LPP: variants seen among roughly 807,000 people sequenced by gnomAD.
The protein encoded by LPP is LIM domain containing preferred translocation partner in lipoma.
Under a neutral mutation model 60.4 loss-of-function variants are expected in LPP, and 38 were observed. That is an observed-to-expected ratio of 0.63 (90% CI 0.49 to 0.83). The LOEUF (loss-of-function observed/expected upper bound fraction) is 0.83, where lower values mean the gene tolerates loss of function less well. Among genes scored for constraint, LPP ranks in the 40% least tolerant of loss-of-function variants. The pLI is 0.00. For missense variants in LPP, 902 were observed against 783.6 expected (o/e 1.15, Z -1.80); for synonymous variants, 328 against 290.8 (o/e 1.13, Z -1.30).
chr3:188,245,468 C>A (rs1726586363), intron 2 of LPP, among the ~76,000 whole-genome samples: 1 of 152,096 alleles, frequency 6.6e-6, no homozygotes, highest in Non-Finnish European at 1.5e-5. Flanking sequence ...TGGCCCAGAG[C>A]CATTAGCAGA....
chr3:188,797,038 G>A (rs1577614332), intron 9 of LPP, among the ~76,000 whole-genome samples: 1 of 152,052 alleles, frequency 6.6e-6, no homozygotes, highest in East Asian at 1.9e-4. Flanking sequence ...ACTCTGCCCT[G>A]ACAACAAATT....
At chr3:188,247,855 G>A (rs924605069) in intron 2 of LPP, among the ~76,000 whole-genome samples, 3 of 151,562 alleles carry the variant, frequency 2.0e-5, no homozygotes, top group African/African-American at 7.3e-5. Context: ...CTGTAAAGCA[G>A]CAGAGGATTG....
At chr3:188,316,039 C>G (rs1030837812) in intron 2 of LPP, among the ~76,000 whole-genome samples, 1 of 152,066 alleles carries the variant, frequency 6.6e-6, no homozygotes, top group Non-Finnish European at 1.5e-5. Flanking sequence ...TTTGGGAGGC[C>G]GAGGCAGGCA....
At chr3:188,324,788 G>A (rs1757938632) in intron 2 of LPP, among the ~76,000 whole-genome samples, 1 of 152,048 alleles carries the variant, frequency 6.6e-6, no homozygotes, top group Non-Finnish European at 1.5e-5. Context: ...AAGCCATACG[G>A]TGGCTGCTGT....
At chr3:188,179,565 C>G (rs1277761027) in intron 1 of LPP, 1 of 446,918 alleles carries the variant, frequency 2.2e-6, no homozygotes, top group Non-Finnish European at 4.5e-6. Context: ...TTAAAGCCCT[C>G]TCGAGAGGTC....
chr3:188,677,045 G>A (rs191329630), intron 7 of LPP, among the ~76,000 whole-genome samples: 68 of 152,264 alleles, frequency 4.5e-4, no homozygotes, highest in Non-Finnish European at 8.4e-4. Context: ...CAGCCTGCAA[G>A]GAACCGACTG....
chr3:188,739,840 A>G (rs1199818791), intron 8 of LPP, among the ~76,000 whole-genome samples: 1 of 152,054 alleles, frequency 6.6e-6, no homozygotes, highest in Non-Finnish European at 1.5e-5. Context: ...GCCCTTATGC[A>G]TGCTTGATAA....
intron 6 of LPP, among the ~76,000 whole-genome samples, chr3:188,556,450 A>G (rs540354316): frequency 6.6e-6 from 1 of 152,204 alleles, no homozygotes; most frequent in East Asian, 1.9e-4. Context: ...CATATAGTAA[A>G]TTACCAATAA....
At chr3:188,615,170 T>C (rs1844611834) in intron 7 of LPP, among the ~76,000 whole-genome samples, 1 of 152,356 alleles carries the variant, frequency 6.6e-6, no homozygotes, top group Admixed American at 6.5e-5. Context: ...AGTTGCAGAA[T>C]ACATTGAAAT....
chr3:188,661,893 C>G (rs1421863615), intron 7 of LPP, among the ~76,000 whole-genome samples: 4 of 152,146 alleles, frequency 2.6e-5, no homozygotes, highest in Admixed American at 2.0e-4. Flanking sequence ...AGGCAGCAGA[C>G]TTGGGGATAT....
At chr3:188,485,251 G>A (rs1375689357) in intron 5 of LPP, among the ~76,000 whole-genome samples, 7 of 152,094 alleles carry the variant, frequency 4.6e-5, no homozygotes, top group South Asian at 4.1e-4. Context: ...GGGTTCCAGC[G>A]AGTGGTAATT....
At chr3:188,367,509 A>G (rs1401578503) in intron 3 of LPP, among the ~76,000 whole-genome samples, 5 of 152,240 alleles carry the variant, frequency 3.3e-5, no homozygotes. Flanking sequence ...TTAGCATACT[A>G]GTTAATATAT....
intron 8 of LPP, among the ~76,000 whole-genome samples, chr3:188,729,857 T>C (rs1719795382): frequency 6.6e-6 from 1 of 150,530 alleles, no homozygotes; most frequent in Admixed American, 6.6e-5. Context: ...TGATGGCATA[T>C]GCTGTGGTTC....
chr3:188,768,694 G>T (rs1165959803), intron 9 of LPP, among the ~76,000 whole-genome samples: 1 of 152,004 alleles, frequency 6.6e-6, no homozygotes, highest in African/African-American at 2.4e-5. Flanking sequence ...TAATGACAAA[G>T]GTCCATGTAC....
chr3:188,636,395 C>T (rs1035566600), intron 7 of LPP, among the ~76,000 whole-genome samples: 2 of 152,220 alleles, frequency 1.3e-5, no homozygotes, highest in African/African-American at 2.4e-5. Context: ...GCACCTTGCT[C>T]GGAGGGTCCT....
Position 188,470,319 on chromosome 3 carries a change from C to CACACACACACACAT in LPP, c.194-14273_194-14272insACACACACACACAT, listed in dbSNP as rs138685539. 2.9e-3 allele frequency among the ~76,000 whole-genome samples: 430 copies of CACACACACACACAT among 148,858 alleles called. 10 individuals are homozygous for CACACACACACACAT. Among genetic ancestry groups the CACACACACACACAT allele is most frequent in the East Asian group, 0.027 (134 of 5,024 alleles). On this transcript the variant is annotated intron_variant, in intron 4 of 11. Coordinates refer to ENST00000617246, the MANE Select transcript of LPP (RefSeq NM_001375462.1). Reference sequence around the variant, plus strand: ...ACACACACACACACACACACACACACGCACACATAAACCACATACACACAC... The same window carrying CACACACACACACAT: ...ACACACACACACACACACACACACACACACACACACACATGCACACATAAACCACATACACACAC...
chr3:188,808,538 C>G (rs1749880713), intron 9 of LPP, among the ~76,000 whole-genome samples: 1 of 152,096 alleles, frequency 6.6e-6, no homozygotes, highest in Non-Finnish European at 1.5e-5. Context: ...GGGCTGAAGA[C>G]CTTTATTCCA....
At chr3:188,872,289 A>T (rs1016049759) in intron 10 of LPP, among the ~76,000 whole-genome samples, 4 of 152,120 alleles carry the variant, frequency 2.6e-5, no homozygotes, top group African/African-American at 9.7e-5. Context: ...TCAGAAACAA[A>T]TAGGGGCTGG....
intron 8 of LPP, among the ~76,000 whole-genome samples, chr3:188,723,655 A>G (rs901961669): frequency 2.0e-5 from 3 of 152,056 alleles, no homozygotes; most frequent in East Asian, 1.9e-4. Context: ...ACTTTGTCCT[A>G]TTGGATTCTA....
Sources: gnomAD v4.1 joint callset for allele counts (sites outside exome capture counted in the v4.1 genomes callset) on GRCh38, gnomAD v4.1.1 for gene constraint, MANE v1.5 for transcripts, NCBI Gene and HGNC (gene_info 2026-07-23, HGNC 2026-07-21) for gene names.